TARBP1: variants seen among roughly 807,000 people sequenced by gnomAD.
TARBP1 encodes tRNA (guanosine(18)-2'-O)-methyltransferase TARBP1.
In TARBP1, 144 loss-of-function variants were observed where a neutral mutation model predicts 178.6. The observed-to-expected ratio is 0.81, with a 90% CI of 0.70 to 0.93. The LOEUF (loss-of-function observed/expected upper bound fraction) is 0.93, where lower values mean the gene tolerates loss of function less well. Among genes scored for constraint, TARBP1 ranks in the 40% least tolerant of loss-of-function variants. The pLI, the probability that TARBP1 is intolerant of heterozygous loss-of-function variation, is 0.00. For missense variants in TARBP1, 2,067 were observed against 2,011.7 expected, an observed-to-expected ratio of 1.03 and a Z score of -0.53; for synonymous variants, 787 against 781.0, an observed-to-expected ratio of 1.01 and a Z score of -0.13.
chr1:234,468,352 G>T (rs1223662372), intron 3 of TARBP1, among the ~76,000 whole-genome samples: 1 of 152,084 alleles, frequency 6.6e-6, no homozygotes, highest in African/African-American at 2.4e-5. Flanking sequence ...TACTGGTGGG[G>T]GAGGGACTGA....
intron 10 of TARBP1, among the ~76,000 whole-genome samples, chr1:234,450,180 G>A (rs1245737789): frequency 1.3e-5 from 2 of 151,756 alleles, no homozygotes; most frequent in Non-Finnish European, 1.5e-5. Flanking sequence ...TCTTAACTCT[G>A]GCAACTTATT....
intron 2 of TARBP1, among the ~76,000 whole-genome samples, chr1:234,472,376 C>T (rs1275273148): frequency 4.0e-5 from 6 of 150,796 alleles, no homozygotes; most frequent in South Asian, 2.1e-4. Flanking sequence ...TCCCAGGCCC[C>T]ACCCCGACCT....
chr1:234,440,692 C>A (rs1665502790), intron 12 of TARBP1, among the ~76,000 whole-genome samples: 1 of 152,158 alleles, frequency 6.6e-6, no homozygotes. Context: ...AGCAAGGTTA[C>A]AGGATACAAG....
At chr1:234,411,497 G>A (rs1661817515) in intron 22 of TARBP1, among the ~76,000 whole-genome samples, 1 of 152,160 alleles carries the variant, frequency 6.6e-6, no homozygotes, top group Non-Finnish European at 1.5e-5. Flanking sequence ...GGAGCAGGAA[G>A]GTTAGAGAAC....
At chr1:234,398,637 T>TA in intron 25 of TARBP1, 84 bp from the exon 26 acceptor site, 1 of 1,037,090 alleles carries the variant, frequency 9.6e-7, no homozygotes, top group Non-Finnish European at 1.3e-6. Context: ...ACTTAATTAT[T>TA]AATGATATAT....
rs774827253 is a variant in TARBP1 at position 234,459,269 on chromosome 1, T to C, written c.1593A>G (p.Gln531=). ...TCATAGCTGTTTGAAGAAGGTAGCA[T>C]TGGGCTGCCCCTCTCAGGAGAATCT... is the stretch of plus-strand genomic sequence containing the variant. ...THQILLRGAA[Q]CYLLQTAMNL... Residue 531 remains glutamine, a synonymous_variant, in exon 8 of 30, where the codon CAA becomes CAG. Coordinates refer to ENST00000040877, the MANE Select transcript of TARBP1 (RefSeq NM_005646.4). 4 of 1,613,114 alleles carry C rather than the reference T, an allele frequency of 2.5e-6. No homozygotes were observed. Among genetic ancestry groups the C allele is most frequent in the Non-Finnish European group, 1.7e-6 (2 of 1,179,734 alleles).
rs190588847 is a variant in TARBP1 at position 234,433,336 on chromosome 1, G to A, written c.2394+74C>T. On this transcript the variant is annotated intron_variant, in intron 14 of 29. Transcript: ENST00000040877. ...ACGCTTTGTATGGTATCAAAATAGT[G>A]TATAAGAACTGAATATGTATTCCCT... The A allele has an allele frequency of 4.0e-5, 57 of 1,429,268 alleles. 1 individual carries two copies. The African/African-American group carries it at 5.6e-4, about 14-fold the overall frequency. 88.5% of individuals were successfully genotyped at this position (1,429,268 alleles called of 1,614,324 possible).
intron 22 of TARBP1, among the ~76,000 whole-genome samples, chr1:234,412,414 G>A (rs1212886747): frequency 2.0e-5 from 3 of 146,846 alleles, no homozygotes; most frequent in Non-Finnish European, 4.5e-5. Context: ...AGAGACAGAC[G>A]CCGTCTCAAA....
At chr1:234,425,603 G>A (rs1196137450) in intron 20 of TARBP1, 70 bp downstream of exon 20, 1 of 1,439,056 alleles carries the variant, frequency 6.9e-7, no homozygotes. Context: ...ACATATTCTA[G>A]CAACATAAAG....
At chr1:234,427,458 A>G (rs1392334825) in intron 18 of TARBP1, 70 bp from the exon 19 acceptor site, 2 of 1,454,312 alleles carry the variant, frequency 1.4e-6, no homozygotes, top group African/African-American at 1.4e-5. Context: ...CCCCAAGGTT[A>G]AAGTTAACTA....
chr1:234,418,326 T>A, intron 21 of TARBP1, 93 bp from the exon 22 acceptor site: 1 of 1,141,532 alleles, frequency 8.8e-7, no homozygotes, highest in East Asian at 3.0e-5. Flanking sequence ...AAAGTTTTTA[T>A]CATAAGTAAT....
At chr1:234,476,013 T>A (rs190800523) in intron 1 of TARBP1, among the ~76,000 whole-genome samples, 3 of 152,076 alleles carry the variant, frequency 2.0e-5, no homozygotes, top group African/African-American at 7.3e-5. Flanking sequence ...TCTACTGTTA[T>A]TATAGTAAGA....
At chr1:234,477,172 C>T (rs1311199046) in intron 1 of TARBP1, among the ~76,000 whole-genome samples, 2 of 151,008 alleles carry the variant, frequency 1.3e-5, no homozygotes, top group African/African-American at 4.9e-5. Context: ...GCAACAAGAC[C>T]GAAACTCCAT....
At chr1:234,431,701 C>A (rs896125565) in intron 14 of TARBP1, among the ~76,000 whole-genome samples, 2 of 152,160 alleles carry the variant, frequency 1.3e-5, no homozygotes, top group African/African-American at 4.8e-5. Context: ...CTCTATAATC[C>A]CCATTTTGCA....
intron 9 of TARBP1, among the ~76,000 whole-genome samples, chr1:234,453,397 C>T (rs983954287): frequency 4.0e-5 from 6 of 150,660 alleles, no homozygotes; most frequent in South Asian, 4.2e-4. Flanking sequence ...GCTATGTTAC[C>T]GAGGCTGGTC....
In TARBP1 at chr1:234,471,257, T is replaced by C; in HGVS notation, c.1030A>G (p.Ile344Val). Residue 344 changes from isoleucine to valine, a missense_variant and splice_region_variant, in exon 3 of 30, where the codon ATA becomes GTA. Transcript: ENST00000040877. ...LIMETLEGNQ[I>V]HVIKPVLPKL... ...GGTAAAACTGGCTTTATAACATGTATCTAAAAATAAGAGCAAAAAAATCAT... is the reference window on the plus strand; with the variant it reads ...GGTAAAACTGGCTTTATAACATGTACCTAAAAATAAGAGCAAAAAAATCAT... The C allele has an allele frequency of 6.3e-7, 1 of 1,578,816 alleles. No individual in the cohort carries two copies. The highest frequency in any genetic ancestry group is 8.6e-7 in the Non-Finnish European group (1 of 1,164,698).
rs760105945 is a variant in TARBP1 at position 234,433,424 on chromosome 1, T to C, written c.2380A>G (p.Met794Val). The change falls in exon 14 of 30, where the codon ATG becomes GTG. Residue 794 changes from methionine to valine, a missense_variant. By Grantham distance (21) the Met-to-Val change is conservative. Coordinates refer to ENST00000040877, the MANE Select transcript of TARBP1 (RefSeq NM_005646.4). ...AAGAGGCTTACCTGTCCACTGTCCA[T>C]CTCTTGAAGATGCTGAATGGATGCA... Reference protein sequence around the residue: ...KNASIQHLQEMDSGQEPTVGS... With the variant: ...KNASIQHLQEVDSGQEPTVGS... 6.2e-7 allele frequency: 1 copy of C among 1,613,934 alleles called. No homozygotes were observed.
chr1:234,396,007 C>T (rs1017445473), intron 26 of TARBP1, among the ~76,000 whole-genome samples: 4 of 151,968 alleles, frequency 2.6e-5, no homozygotes, highest in African/African-American at 4.8e-5. Flanking sequence ...TGCATGAAAA[C>T]GCCACACTGT....
chr1:234,427,294 C>CA (rs1322298930), intron 19 of TARBP1, 23 bp downstream of exon 19: 22 of 1,556,760 alleles, frequency 1.4e-5, no homozygotes, highest in Non-Finnish European at 1.9e-5. Flanking sequence ...TATGTGAAGA[C>CA]AGAGAAAATC....
Sources: gnomAD v4.1 joint callset for allele counts (sites outside exome capture counted in the v4.1 genomes callset) on GRCh38, gnomAD v4.1.1 for gene constraint, MANE v1.5 for transcripts, NCBI Gene and HGNC (gene_info 2026-07-23, HGNC 2026-07-21) for gene names.